DNAH17: variants seen among roughly 807,000 people sequenced by gnomAD.
The protein encoded by DNAH17 is axonemal beta dynein heavy chain 17.
Under a neutral mutation model 485.6 loss-of-function variants are expected in DNAH17, and 376 were observed. The observed-to-expected ratio is 0.77, with a 90% confidence interval of 0.71 to 0.84. DNAH17 has a LOEUF of 0.84. DNAH17 is among the 40% of genes least tolerant of loss of function. The pLI, the probability that DNAH17 is intolerant of heterozygous loss-of-function variation, is 0.00. For missense variants in DNAH17, 6,370 were observed against 5,839.3 expected (o/e 1.09, Z -2.96); for synonymous variants, 3,031 against 2,405.9 (o/e 1.26, Z -7.60).
At chr17:78,469,918 T>G (rs1360390120) in intron 54 of DNAH17, among the ~76,000 whole-genome samples, 1 of 151,788 alleles carries the variant, frequency 6.6e-6, no homozygotes, top group Non-Finnish European at 1.5e-5. Context: ...GGGGCGGGGC[T>G]GGGGGAATGG....
chr17:78,502,460 G>T, intron 33 of DNAH17, 131 bp downstream of exon 33: 2 of 843,374 alleles, frequency 2.4e-6, no homozygotes, highest in Non-Finnish European at 3.6e-6. Flanking sequence ...CGACGGTTTT[G>T]CGGGGCTCAG....
intron 63 of DNAH17, among the ~76,000 whole-genome samples, 198 bp from the exon 64 acceptor site, chr17:78,454,903 C>G (rs2087723430): frequency 6.6e-6 from 1 of 151,666 alleles, no homozygotes; most frequent in Admixed American, 6.6e-5. Flanking sequence ...AGCACAGCAA[C>G]ACCGGGCCAC....
At chr17:78,485,468 G>A in intron 47 of DNAH17, 82 bp downstream of exon 47, 1 of 1,346,620 alleles carries the variant, frequency 7.4e-7, no homozygotes, top group South Asian at 1.4e-5. Flanking sequence ...GAGTGCCTGG[G>A]CCTGCAGTGA....
chr17:78,426,401 C>T, intron 79 of DNAH17, 56 bp downstream of exon 79: 1 of 1,515,700 alleles, frequency 6.6e-7, no homozygotes, highest in East Asian at 2.4e-5. Context: ...GTGTGCCGAG[C>T]TCTGGGCACT....
intron 55 of DNAH17, among the ~76,000 whole-genome samples, chr17:78,467,113 C>T (rs1232722446): frequency 7.9e-5 from 12 of 152,224 alleles, no homozygotes. Context: ...CCACATTGGG[C>T]AGATGAGGCC....
At chr17:78,454,868 T>C (rs992144435) in intron 63 of DNAH17, among the ~76,000 whole-genome samples, 163 bp from the exon 64 acceptor site, 1 of 151,890 alleles carries the variant, frequency 6.6e-6, no homozygotes, top group African/African-American at 2.4e-5. Context: ...CAGAGCAGCT[T>C]TGTAACTCGG....
rs114552239 is a variant in DNAH17 at position 78,513,232 on chromosome 17, A to G, written c.4113+1542T>C. On this transcript the variant is annotated intron_variant, in intron 26 of 80. Transcript: ENST00000389840. ...GATTCAGGCACAGCTGACCAGCATT[A>G]ACATCAACACAGAGAACCTAAGACT... Among the ~76,000 whole-genome samples, 1,184 of 152,276 alleles carry G rather than the reference A, an allele frequency of 7.8e-3. 18 individuals carry two copies. Among genetic ancestry groups the G allele is most frequent in the African/African-American group, 0.026 (1,077 of 41,532 alleles).
At position 78,476,530 on chromosome 17, in the gene DNAH17, G is replaced by A. The variant is rs542069254; in HGVS notation, c.8154+42C>T. On this transcript the variant is annotated intron_variant, in intron 52 of 80. Coordinates refer to ENST00000389840, the MANE Select transcript of DNAH17 (RefSeq NM_173628.4). Reference sequence around the variant, plus strand: ...GCCGCCGACACTCCACCCTCCTGGAGCCATTCTGGGCTCGGCAGAGGGACT... The same window carrying A: ...GCCGCCGACACTCCACCCTCCTGGAACCATTCTGGGCTCGGCAGAGGGACT... The A allele has an allele frequency of 3.2e-6, 5 of 1,577,246 alleles. No individual in the cohort carries two copies. In the Admixed American group the frequency reaches 7.4e-5, roughly 23 times the overall value.
chr17:78,527,861 C>T (rs771434454), intron 22 of DNAH17, among the ~76,000 whole-genome samples: 4 of 152,202 alleles, frequency 2.6e-5, no homozygotes, highest in East Asian at 1.9e-4. Flanking sequence ...TCACCACAAC[C>T]GCTGCCTTCT....
At position 78,423,807 on chromosome 17, in the gene DNAH17, C is replaced by T; in HGVS notation, c.*99G>A. On this transcript the variant is annotated 3_prime_UTR_variant, in exon 81 of 81. Coordinates refer to ENST00000389840, the MANE Select transcript of DNAH17 (RefSeq NM_173628.4). ...CCTGATTATTTAAGAGAACGAAAAA[C>T]CACCACCAGTTCCTGTAAAGAATAA... 1 of 1,465,710 alleles carries T rather than the reference C, an allele frequency of 6.8e-7. No homozygotes were observed. The highest frequency in any genetic ancestry group is 2.3e-5 in the East Asian group (1 of 43,862). 90.8% of individuals were successfully genotyped at this position (1,465,710 alleles called of 1,614,324 possible).
rs146026632 is a variant in DNAH17, at chr17:78,570,285, C to T, written c.1006G>A (p.Val336Ile). The T allele has an allele frequency of 5.2e-4, 835 of 1,596,834 alleles. 7 individuals are homozygous for T. Among genetic ancestry groups the T allele is most frequent in the South Asian group, 4.1e-3 (356 of 87,728 alleles). The stretch of plus-strand genomic sequence containing the variant: ...TGGTTGCAGAACTCCTGCAGGATGA[C>T]GATGATCCTGGCAGGTGTGTTATAG... ...EYYNTPARII[V>I]ILQEFCNQII... Residue 336 changes from valine to isoleucine, a missense_variant, in exon 7 of 81, where the codon GTC becomes ATC. Coordinates refer to ENST00000389840, the MANE Select transcript of DNAH17 (RefSeq NM_173628.4).
At chr17:78,551,850 C>T (rs1229593854) in intron 15 of DNAH17, among the ~76,000 whole-genome samples, 1 of 151,908 alleles carries the variant, frequency 6.6e-6, no homozygotes, top group Non-Finnish European at 1.5e-5. Flanking sequence ...GTAATCCCAG[C>T]TACTCGGGAG....
chr17:78,428,610 G>A lies in DNAH17; in HGVS notation c.12503C>T (p.Ser4168Leu), dbSNP rs2086564671. 6.2e-7 allele frequency: 1 copy of A among 1,613,866 alleles called. No individual in the cohort carries two copies. Among genetic ancestry groups the A allele is most frequent in the African/African-American group, 1.3e-5 (1 of 74,904 alleles). Residue 4168 changes from serine (S) to leucine (L), a missense_variant, in exon 77 of 81, where the codon TCA (serine) becomes TTA (leucine). Transcript: ENST00000389840. ...NAEIGFLTVT[S>L]EKLFRTVLEM... ...CAGGACAGTGCGGAACAGCTTCTCT[G>A]AGGTGACCGTCAGAAAGCCAATCTC...
intron 74 of DNAH17, among the ~76,000 whole-genome samples, chr17:78,437,088 C>T (rs535553144): frequency 7.9e-5 from 12 of 152,270 alleles, no homozygotes; most frequent in Non-Finnish European, 1.5e-4. Flanking sequence ...AGAGGAGGAC[C>T]GGGCTCCCTA....
At chr17:78,550,274 C>T (rs750005425) in intron 16 of DNAH17, among the ~76,000 whole-genome samples, 8 of 152,260 alleles carry the variant, frequency 5.3e-5, no homozygotes, top group Non-Finnish European at 1.0e-4. Context: ...CTAAAGATAA[C>T]GAAGAACTCT....
At chr17:78,468,097 T>C (rs2088568240) in intron 55 of DNAH17, among the ~76,000 whole-genome samples, 1 of 145,064 alleles carries the variant, frequency 6.9e-6, no homozygotes, top group Non-Finnish European at 1.5e-5. Flanking sequence ...GGGGAGGGGG[T>C]CCACATAGAG....
intron 33 of DNAH17, 96 bp from the exon 34 acceptor site, chr17:78,501,969 C>T (rs1410115205): frequency 6.5e-7 from 1 of 1,530,298 alleles, no homozygotes. Context: ...GGGAACACCA[C>T]CATGCTTTTG....
Position 78,506,804 on chromosome 17 carries a change from C to G in DNAH17, c.4719G>C (p.Thr1573=). 1 of 1,613,968 alleles carries G rather than the reference C, an allele frequency of 6.2e-7. No individual in the cohort carries two copies. The highest frequency in any genetic ancestry group is 8.5e-7 in the Non-Finnish European group (1 of 1,179,888). The part of the protein sequence containing the change: ...CEKALAEYLE[T]KRLAFPRFYF... ...AGAACCGGGGGAAAGCCAGTCTTTT[C>G]GTCTCTAAATACTCTGCCAAAGCCT... Residue 1573 remains threonine (T), a synonymous_variant, in exon 30 of 81, where the codon ACG becomes ACC. Transcript: ENST00000389840.
intron 25 of DNAH17, among the ~76,000 whole-genome samples, chr17:78,520,090 C>A (rs576360214): frequency 2.7e-5 from 4 of 147,114 alleles, no homozygotes; most frequent in Admixed American, 6.9e-5. Flanking sequence ...CAGGCCTGGG[C>A]GATAGAACGA....
Sources: gnomAD v4.1 joint callset for allele counts (sites outside exome capture counted in the v4.1 genomes callset) on GRCh38, gnomAD v4.1.1 for gene constraint, MANE v1.5 for transcripts, NCBI Gene and HGNC (gene_info 2026-07-23, HGNC 2026-07-21) for gene names.